Variants in IFRD1 observed in about 807,000 individuals in gnomAD.
IFRD1 encodes interferon related developmental regulator 1, also known as interferon-related developmental regulator 1.
A neutral mutation model predicts 52.9 loss-of-function variants in IFRD1; 35 were observed. The observed-to-expected ratio is 0.66, with a 90% CI of 0.51 to 0.88. IFRD1 has a LOEUF of 0.88. IFRD1 is among the 40% of genes least tolerant of loss of function. The pLI is 0.00. For missense variants in IFRD1, 517 were observed against 550.8 expected, an observed-to-expected ratio of 0.94 and a Z score of 0.61; for synonymous variants, 184 against 188.4, an observed-to-expected ratio of 0.98 and a Z score of 0.19.
chr7:112,472,314 G>A lies in IFRD1; in HGVS notation c.1137G>A (p.Glu379=), dbSNP rs772181766. The A allele has an allele frequency of 2.5e-6, 4 of 1,613,928 alleles. No homozygotes were observed. Among genetic ancestry groups the A allele is most frequent in the Admixed American group, 1.7e-5 (1 of 59,994 alleles). Residue 379 remains glutamate (E), a synonymous_variant, in exon 10 of 12, where the codon GAG becomes GAA. Transcript: ENST00000403825. ...VKKHTYDTFK[E]VLGSGMQYHL... is the part of the protein sequence containing the mutation. ...AACACACCTATGACACCTTTAAGGA[G>A]GTTCTTGGATCAGGGATGCAGTACC...
At chr7:112,460,592 C>T (rs752467999) in intron 5 of IFRD1, among the ~76,000 whole-genome samples, 1 of 152,030 alleles carries the variant, frequency 6.6e-6, no homozygotes, top group Non-Finnish European at 1.5e-5. Context: ...TCAAAAGGAA[C>T]GATGTAGCCT....
intron 8 of IFRD1, among the ~76,000 whole-genome samples, chr7:112,462,991 T>C (rs1170823303): frequency 6.6e-6 from 1 of 152,208 alleles, no homozygotes; most frequent in Non-Finnish European, 1.5e-5. Context: ...ACTTACCATC[T>C]TATGTTCCAG....
intron 1 of IFRD1, among the ~76,000 whole-genome samples, chr7:112,442,395 A>G (rs2117261189): frequency 6.6e-6 from 1 of 152,380 alleles, no homozygotes; most frequent in East Asian, 1.9e-4. Context: ...GTGGCAGGTT[A>G]CAAAGACCTT....
chr7:112,461,998 T>TAGGAA lies in IFRD1; in HGVS notation c.619-2_621dup. The TAGGAA allele has an allele frequency of 6.2e-7, 1 of 1,609,310 alleles. No homozygotes were observed. Among genetic ancestry groups the TAGGAA allele is most frequent in the Non-Finnish European group, 8.5e-7 (1 of 1,175,848 alleles). On this transcript the variant is annotated splice_region_variant and splice_polypyrimidine_tract_variant and intron_variant, in intron 6 of 11. Transcript: ENST00000403825. ...TATCTTACTTCATATTCTTATGCATTAGGAACTATACTCAACTCTGGAATG... is the reference window on the plus strand; with the variant it reads ...TATCTTACTTCATATTCTTATGCATTAGGAAAGGAACTATACTCAACTCTGGAATG...
rs549143524 is a variant in IFRD1, at chr7:112,426,174, G to A, written c.-182+2742G>A. ...TACAGTGAGTTATGATTGCACCACTGCCCTCCAGCATGGGTGACAGGGTGA... is the reference window on the plus strand; with the variant it reads ...TACAGTGAGTTATGATTGCACCACTACCCTCCAGCATGGGTGACAGGGTGA... On this transcript the variant is annotated intron_variant, in intron 1 of 12. Transcript: ENST00000005558. 2.0e-5 allele frequency among the ~76,000 whole-genome samples: 3 copies of A among 152,166 alleles called. No homozygotes were observed. The East Asian group carries it at 5.8e-4, about 29-fold the overall frequency.
intron 1 of IFRD1, chr7:112,452,399 T>C: frequency 1.1e-6 from 1 of 901,288 alleles, no homozygotes; most frequent in Non-Finnish European, 1.3e-6. Context: ...CCCAGGGATC[T>C]TCCTGCCTAA....
chr7:112,461,726 C>G (rs1563268343), intron 5 of IFRD1, 140 bp from the exon 6 acceptor site: 1 of 482,582 alleles, frequency 2.1e-6, no homozygotes, highest in Non-Finnish European at 3.6e-6. Context: ...TCTCTCCTCA[C>G]CTCTTTTATG....
intron 1 of IFRD1, among the ~76,000 whole-genome samples, chr7:112,455,418 G>A (rs1205694119): frequency 3.3e-5 from 5 of 152,104 alleles, no homozygotes; most frequent in African/African-American, 1.2e-4. Flanking sequence ...CCAGGAGGTG[G>A]AGGTTACAGT....
At chr7:112,467,057 C>CT (rs1413888945) in intron 8 of IFRD1, among the ~76,000 whole-genome samples, 1 of 152,152 alleles carries the variant, frequency 6.6e-6, no homozygotes, top group Admixed American at 6.5e-5. Flanking sequence ...GCTAGAATAT[C>CT]TGTCACATTA....
intron 5 of IFRD1, among the ~76,000 whole-genome samples, chr7:112,459,613 TTAAGG>T (rs1475487946): frequency 2.0e-5 from 3 of 152,222 alleles, no homozygotes; most frequent in African/African-American, 4.8e-5. Context: ...TTAGTATTAC[TTAAGG>T]TAAGTAATAA....
chr7:112,467,906 G>C, intron 8 of IFRD1, 75 bp from the exon 9 acceptor site: 2 of 1,384,408 alleles, frequency 1.4e-6, no homozygotes, highest in African/African-American at 2.9e-5. Flanking sequence ...AATGTAGACT[G>C]TTCTTTGTTA....
At chr7:112,450,430 T>A (rs1366841168), upstream of IFRD1, 8 of 528,778 alleles carry the variant, frequency 1.5e-5, no homozygotes, top group Non-Finnish European at 2.7e-5. Flanking sequence ...GCGGTATTGC[T>A]ACTTAAGGCG....
Position 112,442,451 on chromosome 7 carries a change from G to C in IFRD1, c.-181-8057G>C, listed in dbSNP as rs571838265. 3.3e-5 allele frequency among the ~76,000 whole-genome samples: 5 copies of C among 152,282 alleles called. No individual in the cohort carries two copies. The East Asian group carries it at 9.7e-4, about 29-fold the overall frequency. On this transcript the variant is annotated intron_variant, in intron 1 of 12. Transcript: ENST00000005558. The stretch of plus-strand genomic sequence containing the variant: ...ATGACAATCCAGTGACATCAATAAG[G>C]CAGGGATTATTGACTCCCATTTTTG...
intron 8 of IFRD1, among the ~76,000 whole-genome samples, chr7:112,464,156 G>C (rs950272719): frequency 2.6e-5 from 4 of 151,274 alleles, no homozygotes; most frequent in Admixed American, 2.0e-4. Context: ...ATTTAAAATA[G>C]GGTTCATACA....
intron 9 of IFRD1, 56 bp downstream of exon 9, chr7:112,468,171 C>T: frequency 6.5e-7 from 1 of 1,546,166 alleles, no homozygotes; most frequent in South Asian, 1.1e-5. Flanking sequence ...TTGTTTCAGG[C>T]TGAACTTGAC....
chr7:112,467,981 G>T lies in IFRD1; in HGVS notation c.907G>T (p.Asp303Tyr). Residue 303 changes from aspartate to tyrosine, a missense_variant and splice_region_variant, in exon 9 of 12, where the codon GAC (aspartate) becomes TAC (tyrosine). Physicochemically the swap from Asp to Tyr is radical, Grantham distance 160. Transcript: ENST00000403825. ...LFELARGIES[D>Y]FFYEDMESLT... Reference sequence around the variant, plus strand: ...AAACAAAATTGCTTTTCTTGTCCAGGACTTTTTTTATGAAGACATGGAGTC... The same window carrying T: ...AAACAAAATTGCTTTTCTTGTCCAGTACTTTTTTTATGAAGACATGGAGTC... The T allele has an allele frequency of 1.2e-6, 2 of 1,613,866 alleles. No homozygotes were observed. The highest frequency in any genetic ancestry group is 1.7e-6 in the Non-Finnish European group (2 of 1,179,854).
chr7:112,450,528 T>C lies in IFRD1; in HGVS notation c.-161T>C. 1.5e-6 allele frequency: 1 copy of C among 659,074 alleles called. No homozygotes were observed. The highest frequency in any genetic ancestry group is 1.8e-5 in the African/African-American group (1 of 55,652). 40.8% of individuals were successfully genotyped at this position (659,074 alleles called of 1,614,324 possible). ...CACAGCTCTTCACGGGGATTTCTGC[T>C]GCCGCCACCGCCCACTCTTACCCCC... On this transcript the variant is annotated 5_prime_UTR_variant, in exon 1 of 12. Coordinates refer to ENST00000403825, the MANE Select transcript of IFRD1 (RefSeq NM_001550.4).
rs531625577 is a variant in IFRD1, at chr7:112,472,409, A to G, written c.1170+62A>G. 6 of 1,572,474 alleles carry G rather than the reference A, an allele frequency of 3.8e-6. No homozygotes were observed. In the East Asian group the frequency reaches 1.1e-4, roughly 29 times the overall value. ...TAGGGAGCAGTCTTGAATATAGCTC[A>G]CTTAATTGGCTTTTGAAATTAATTA... On this transcript the variant is annotated intron_variant, in intron 10 of 11. Coordinates refer to ENST00000403825, the MANE Select transcript of IFRD1 (RefSeq NM_001550.4).
At chr7:112,457,199 T>A in intron 4 of IFRD1, 161 bp downstream of exon 4, 1 of 738,412 alleles carries the variant, frequency 1.4e-6, no homozygotes, top group Non-Finnish European at 2.3e-6. Flanking sequence ...ATGAGACTTG[T>A]TAGAACTTTG....
Sources: allele counts gnomAD v4.1 joint callset (sites outside exome capture counted in the v4.1 genomes callset), GRCh38; gene constraint gnomAD v4.1.1; transcripts MANE v1.5; gene names NCBI Gene and HGNC (gene_info 2026-07-23, HGNC 2026-07-21).